Variants in CTIF observed in about 807,000 individuals in gnomAD.
CTIF encodes cap binding complex dependent translation initiation factor.
CTIF carries 21 observed loss-of-function variants against 66.0 expected under a neutral mutation model. That is an observed-to-expected ratio of 0.32 (90% CI 0.23 to 0.46). The LOEUF (loss-of-function observed/expected upper bound fraction) is 0.46. Among genes scored for constraint, CTIF ranks in the 20% least tolerant of loss-of-function variants. The pLI is 1.00. For synonymous variants in CTIF, 345 were observed against 326.4 expected, an observed-to-expected ratio of 1.06 and a Z score of -0.62; for missense variants, 739 against 812.7, an observed-to-expected ratio of 0.91 and a Z score of 1.10.
intron 6 of CTIF, among the ~76,000 whole-genome samples, chr18:48,693,974 A>T (rs896839510): frequency 2.0e-5 from 3 of 152,230 alleles, no homozygotes; most frequent in African/African-American, 4.8e-5. Flanking sequence ...GTTGGTGCCT[A>T]TGCGGGGAAT....
intron 1 of CTIF, among the ~76,000 whole-genome samples, chr18:48,594,939 A>G (rs1311924071): frequency 6.6e-6 from 1 of 152,180 alleles, no homozygotes; most frequent in Admixed American, 6.5e-5. Flanking sequence ...AGTTGCTGTC[A>G]GGGCCTGCTG....
intron 1 of CTIF, among the ~76,000 whole-genome samples, chr18:48,571,260 A>G (rs549017406): frequency 1.2e-4 from 19 of 152,008 alleles, no homozygotes; most frequent in Non-Finnish European, 1.6e-4. Context: ...AGGTTCAAGC[A>G]ATTCTCCTGC....
chr18:48,601,493 T>TAC (rs1568063385), intron 1 of CTIF, among the ~76,000 whole-genome samples: 1 of 152,126 alleles, frequency 6.6e-6, no homozygotes, highest in Non-Finnish European at 1.5e-5. Context: ...GAGAGTTATA[T>TAC]GAGTCTGAGA....
At chr18:48,751,227 T>C (rs907319854) in intron 7 of CTIF, among the ~76,000 whole-genome samples, 22 of 152,204 alleles carry the variant, frequency 1.4e-4, no homozygotes, top group African/African-American at 4.1e-4. Flanking sequence ...TATGCTCCAA[T>C]ATGGCTGTCT....
chr18:48,780,383 A>G (rs1411821393), intron 9 of CTIF, among the ~76,000 whole-genome samples: 1 of 152,074 alleles, frequency 6.6e-6, no homozygotes. Flanking sequence ...TATGCCTTTC[A>G]AAACAAAAGC....
Position 48,761,349 on chromosome 18 carries a change from G to A in CTIF, c.1072-41G>A, listed in dbSNP as rs772725922. 2.2e-5 allele frequency: 35 copies of A among 1,591,834 alleles called. No individual in the cohort carries two copies. Among genetic ancestry groups the A allele is most frequent in the East Asian group, 1.8e-4 (8 of 44,594 alleles). On this transcript the variant is annotated intron_variant, in intron 8 of 11. Transcript: ENST00000256413. The surrounding 1 kb of genome is among the most constrained non-coding windows in gnomAD (Gnocchi z 4.2). ...CAGGCCACCCCTGCACAGAGACCTC[G>A]GCTTCACTCAGGCACATTCATTTGT...
intron 10 of CTIF, among the ~76,000 whole-genome samples, chr18:48,828,833 C>T (rs1381303516): frequency 6.6e-6 from 1 of 152,222 alleles, no homozygotes; most frequent in Non-Finnish European, 1.5e-5. Flanking sequence ...AGTAGGGGGA[C>T]TCTCCCCAGG....
intron 9 of CTIF, among the ~76,000 whole-genome samples, chr18:48,805,244 G>C (rs1307398907): frequency 2.0e-5 from 3 of 152,206 alleles, no homozygotes; most frequent in Non-Finnish European, 4.4e-5. Context: ...CTGTCTCTCT[G>C]AGCTGGAGGC....
intron 3 of CTIF, among the ~76,000 whole-genome samples, chr18:48,654,419 A>G (rs1303754387): frequency 3.3e-5 from 5 of 152,226 alleles, no homozygotes; most frequent in African/African-American, 1.2e-4. Flanking sequence ...CAAAACCACA[A>G]TGAGATACCA....
At chr18:48,577,700 G>A (rs2089565351) in intron 1 of CTIF, among the ~76,000 whole-genome samples, 1 of 152,136 alleles carries the variant, frequency 6.6e-6, no homozygotes, top group South Asian at 2.1e-4. Flanking sequence ...AGCCTCCCAA[G>A]TAACTGGGAC....
At position 48,615,221 on chromosome 18, in the gene CTIF, T is replaced by C. The variant is rs117190365; in HGVS notation, c.-28-4317T>C. 8.6e-3 allele frequency among the ~76,000 whole-genome samples: 1,314 copies of C among 152,316 alleles called. 5 individuals are homozygous for C. Among genetic ancestry groups the C allele is most frequent in the African/African-American group, 0.014 (563 of 41,576 alleles). ...GAATGCTGTTTTATGTTGTGTATATTTGACCATAATAAAAAATTGGGGGCC... is the reference window on the plus strand; with the variant it reads ...GAATGCTGTTTTATGTTGTGTATATCTGACCATAATAAAAAATTGGGGGCC... On this transcript the variant is annotated intron_variant, in intron 1 of 11. Coordinates refer to ENST00000256413, the MANE Select transcript of CTIF (RefSeq NM_014772.3).
At chr18:48,793,771 T>C (rs79792459) in intron 9 of CTIF, among the ~76,000 whole-genome samples, 5,068 of 152,144 alleles carry the variant, frequency 0.033, 279 homozygotes, top group African/African-American at 0.12. Context: ...AATAGATGAG[T>C]TCAAAATGGC....
At chr18:48,612,252 C>T (rs766279592) in intron 1 of CTIF, among the ~76,000 whole-genome samples, 17 of 152,156 alleles carry the variant, frequency 1.1e-4, no homozygotes, top group South Asian at 2.1e-4. Flanking sequence ...GCTGGAGGGA[C>T]GCGGTTGGCA....
chr18:48,610,838 G>C (rs1460362094), intron 1 of CTIF, among the ~76,000 whole-genome samples: 1 of 152,220 alleles, frequency 6.6e-6, no homozygotes, highest in Non-Finnish European at 1.5e-5. Context: ...CTTGGTCCAG[G>C]GCTTTGCACA....
At chr18:48,824,875 C>G (rs2068552553) in intron 10 of CTIF, among the ~76,000 whole-genome samples, 1 of 152,204 alleles carries the variant, frequency 6.6e-6, no homozygotes, top group South Asian at 2.1e-4. Flanking sequence ...CTCCTGACCT[C>G]AGGTGATCTG....
At chr18:48,555,762 CTG>C (rs566266070) in intron 1 of CTIF, among the ~76,000 whole-genome samples, 15 of 152,222 alleles carry the variant, frequency 9.9e-5, no homozygotes, top group South Asian at 2.1e-4. Flanking sequence ...ATGGAGGAAA[CTG>C]TGTTTCAACT....
chr18:48,826,365 C>T (rs1052447244), intron 10 of CTIF: 2 of 152,230 alleles, frequency 1.3e-5, no homozygotes, highest in African/African-American at 4.8e-5. Context: ...GCAAACACAA[C>T]CCCTTTCTCC....
intron 1 of CTIF, among the ~76,000 whole-genome samples, chr18:48,606,970 T>C (rs953159322): frequency 1.3e-5 from 2 of 152,182 alleles, no homozygotes; most frequent in Non-Finnish European, 2.9e-5. Flanking sequence ...TTTATTATCT[T>C]TTATATATTT....
At chr18:48,648,498 C>G (rs1015993291) in intron 3 of CTIF, among the ~76,000 whole-genome samples, 1 of 152,120 alleles carries the variant, frequency 6.6e-6, no homozygotes, top group African/African-American at 2.4e-5. Flanking sequence ...CGCACACACA[C>G]ACACAAACAC....
Sources: gnomAD v4.1 joint callset for allele counts (sites outside exome capture counted in the v4.1 genomes callset) on GRCh38, gnomAD v4.1.1 for gene constraint, Gnocchi (gnomAD v3.1) non-coding constraint, MANE v1.5 for transcripts, NCBI Gene and HGNC (gene_info 2026-07-23, HGNC 2026-07-21) for gene names.